MRAP2: variants seen among roughly 807,000 people sequenced by gnomAD.
MRAP2 encodes melanocortin 2 receptor accessory protein 2.
In MRAP2, 20 loss-of-function variants were observed where a neutral mutation model predicts 17.4. The ratio of observed to expected loss-of-function variants is 1.15; its 90% confidence interval spans 0.81 to 1.67. The LOEUF (loss-of-function observed/expected upper bound fraction) is 1.67, where lower values mean the gene tolerates loss of function less well. Among genes scored for constraint, MRAP2 ranks in the 40% most tolerant of loss-of-function variants. The probability of loss-of-function intolerance (pLI) is 0.00; values close to 1 mark genes in which losing one functional copy is unlikely to be tolerated. For missense variants in MRAP2, 238 were observed against 240.0 expected, an observed-to-expected ratio of 0.99 and a Z score of 0.05; for synonymous variants, 96 against 88.4, an observed-to-expected ratio of 1.09 and a Z score of -0.48.
At chr6:84,038,070 G>A (rs1206166069) in intron 1 of MRAP2, among the ~76,000 whole-genome samples, 3 of 152,218 alleles carry the variant, frequency 2.0e-5, no homozygotes, top group African/African-American at 7.2e-5. Context: ...CTAGGTGGCT[G>A]GATCACTCAC....
the MRAP2 span, among the ~76,000 whole-genome samples, chr6:84,128,875 A>G: frequency 7.4e-6 from 1 of 134,238 alleles, no homozygotes; most frequent in African/African-American, 2.8e-5. Flanking sequence ...CCGGTGTGTG[A>G]TGTTCCCCTC....
the MRAP2 span, among the ~76,000 whole-genome samples, chr6:84,107,456 A>C: frequency 4.2e-4 from 64 of 152,322 alleles, no homozygotes; most frequent in African/African-American, 1.5e-3. Context: ...CAAATGTCTT[A>C]ATAAGTCCAG....
chr6:84,121,122 T>A, the MRAP2 span, among the ~76,000 whole-genome samples: 1 of 151,770 alleles, frequency 6.6e-6, no homozygotes, highest in Non-Finnish European at 1.5e-5. Context: ...TGTTCCAGGC[T>A]GAAGTGCAGT....
intron 1 of MRAP2, among the ~76,000 whole-genome samples, chr6:84,043,676 T>A (rs1435463803): frequency 1.3e-5 from 1 of 79,716 alleles, no homozygotes; most frequent in African/African-American, 5.0e-5. Flanking sequence ...GTGGGGTGAG[T>A]GGGTGGGTGG....
the MRAP2 span, among the ~76,000 whole-genome samples, chr6:84,110,430 T>A: frequency 1.3e-5 from 2 of 152,214 alleles, no homozygotes; most frequent in African/African-American, 4.8e-5. Flanking sequence ...CACTTTTTGA[T>A]GGGGTTTTTT....
At chr6:84,065,789 A>G (rs2099494525) in intron 3 of MRAP2, among the ~76,000 whole-genome samples, 1 of 152,138 alleles carries the variant, frequency 6.6e-6, no homozygotes, top group Admixed American at 6.5e-5. Flanking sequence ...TACTCTTTGG[A>G]TTAAGCAGAT....
At chr6:84,054,714 T>C (rs560789076) in intron 1 of MRAP2, among the ~76,000 whole-genome samples, 1 of 152,328 alleles carries the variant, frequency 6.6e-6, no homozygotes, top group East Asian at 1.9e-4. Context: ...GAACATTCTT[T>C]CTTCTTACAG....
chr6:84,045,852 A>T (rs1440188166), intron 1 of MRAP2, among the ~76,000 whole-genome samples: 3 of 152,218 alleles, frequency 2.0e-5, no homozygotes, highest in African/African-American at 7.2e-5. Flanking sequence ...CACACCCATA[A>T]TACAAATAGA....
chr6:84,125,391 T>C, the MRAP2 span: 1 of 807,746 alleles, frequency 1.2e-6, no homozygotes, highest in Non-Finnish European at 2.0e-6. Flanking sequence ...AGGTAAATCA[T>C]AATGCTCTGC....
At chr6:84,146,017 A>G in the MRAP2 span, among the ~76,000 whole-genome samples, 1 of 152,160 alleles carries the variant, frequency 6.6e-6, no homozygotes, top group Non-Finnish European at 1.5e-5. Context: ...GAAATGAGAC[A>G]CAACTGCTTA....
At chr6:84,081,312 C>T (rs1309045851) in intron 3 of MRAP2, among the ~76,000 whole-genome samples, 1 of 152,176 alleles carries the variant, frequency 6.6e-6, no homozygotes, top group Non-Finnish European at 1.5e-5. Flanking sequence ...ACTTCTCATC[C>T]TGGTTTGCAG....
Position 84,062,982 on chromosome 6 carries a change from C to A in MRAP2, c.217C>A (p.Pro73Thr). The change falls in exon 3 of 4, where the codon CCA becomes ACA. Residue 73 changes from proline (P) to threonine (T), a missense_variant. By Grantham distance (38) the Pro-to-Thr change is conservative. Transcript: ENST00000257776. ...VLTLLTKTGA[P>T]HQDNAESSEK... ...GACCTTGCTGACCAAGACAGGAGCC[C>A]CACACCAAGAGTAAGTTTGGGCTGT... The A allele has an allele frequency of 6.2e-7, 1 of 1,614,104 alleles. No individual in the cohort carries two copies. Among genetic ancestry groups the A allele is most frequent in the Non-Finnish European group, 8.5e-7 (1 of 1,179,994 alleles).
chr6:84,122,446 T>C, the MRAP2 span, among the ~76,000 whole-genome samples: 1 of 148,234 alleles, frequency 6.7e-6, no homozygotes, highest in African/African-American at 2.5e-5. Context: ...AATCAATAAA[T>C]GTGATTCACC....
chr6:84,047,573 G>C (rs1213012136), intron 1 of MRAP2, among the ~76,000 whole-genome samples: 1 of 151,368 alleles, frequency 6.6e-6, no homozygotes, highest in Non-Finnish European at 1.5e-5. Flanking sequence ...TACCATTTTT[G>C]AATGTACAGT....
intron 3 of MRAP2, chr6:84,063,233 A>G: frequency 2.0e-6 from 2 of 985,328 alleles, no homozygotes; most frequent in Non-Finnish European, 2.4e-6. Flanking sequence ...GTCCTTTCCT[A>G]CAGTCTTAAT....
the MRAP2 span, among the ~76,000 whole-genome samples, chr6:84,133,511 AC>A: frequency 6.6e-6 from 1 of 152,074 alleles, no homozygotes; most frequent in Non-Finnish European, 1.5e-5. Context: ...GGTGGGCTCC[AC>A]CCAGTTTGAG....
chr6:84,130,955 T>C, the MRAP2 span, among the ~76,000 whole-genome samples: 51 of 152,214 alleles, frequency 3.4e-4, no homozygotes, highest in African/African-American at 1.2e-3. Flanking sequence ...GTTAGGGTGT[T>C]GATTTTAGAT....
chr6:84,062,389 C>A, intron 2 of MRAP2: 2 of 344,312 alleles, frequency 5.8e-6, no homozygotes, highest in Non-Finnish European at 8.2e-6. Context: ...CTTAACCAAC[C>A]ATGAGGCAGC....
the MRAP2 span, among the ~76,000 whole-genome samples, chr6:84,133,247 T>C: frequency 1.3e-5 from 2 of 152,144 alleles, no homozygotes; most frequent in South Asian, 2.1e-4. Flanking sequence ...GGCACCCGGC[T>C]GTATGAGGTG....
Sources: gnomAD v4.1 joint callset for allele counts (sites outside exome capture counted in the v4.1 genomes callset) on GRCh38, gnomAD v4.1.1 for gene constraint, MANE v1.5 for transcripts, NCBI Gene and HGNC (gene_info 2026-07-23, HGNC 2026-07-21) for gene names.